Variants in AKR1C3 observed in about 807,000 individuals in gnomAD.
AKR1C3 encodes the protein 3-alpha hydroxysteroid dehydrogenase, type II.
A neutral mutation model predicts 43.6 loss-of-function variants in AKR1C3; 48 were observed. That is an observed-to-expected ratio of 1.10 (90% CI 0.87 to 1.40). AKR1C3 has a LOEUF of 1.40. Among genes scored for constraint, AKR1C3 ranks in the 40% most tolerant of loss-of-function variants. The pLI is 0.00. For synonymous variants in AKR1C3, 162 were observed against 139.6 expected (o/e 1.16, Z -1.13); for missense variants, 482 against 391.2 (o/e 1.23, Z -1.96).
intron 1 of AKR1C3, among the ~76,000 whole-genome samples, chr10:5,073,227 G>C (rs558848037): frequency 6.6e-6 from 1 of 152,202 alleles, no homozygotes; most frequent in Admixed American, 6.5e-5. Context: ...CTCCCAAATT[G>C]CTGGGATTAC....
At chr10:5,055,146 C>T (rs1838233832) in intron 1 of AKR1C3, among the ~76,000 whole-genome samples, 1 of 152,240 alleles carries the variant, frequency 6.6e-6, no homozygotes, top group African/African-American at 2.4e-5. Flanking sequence ...AAGAGGCTTA[C>T]TTTCAAATAT....
At chr10:5,072,129 T>G (rs1437008408) in intron 1 of AKR1C3, among the ~76,000 whole-genome samples, 3 of 152,194 alleles carry the variant, frequency 2.0e-5, no homozygotes, top group African/African-American at 7.2e-5. Flanking sequence ...GTGACACTTA[T>G]CTCTGGGTTC....
intron 1 of AKR1C3, among the ~76,000 whole-genome samples, chr10:5,063,766 A>AAAAAAAAAAAAAAAAAAAAAAAAAAAAC (rs1838432559): frequency 1.1e-5 from 1 of 88,324 alleles, no homozygotes; most frequent in Non-Finnish European, 2.2e-5. Flanking sequence ...CTGTCTCAGC[A>AAAAAAAAAAAAAAAAAAAAAAAAAAAAC]AAAAAAAAAA....
intron 1 of AKR1C3, among the ~76,000 whole-genome samples, chr10:5,086,419 G>A (rs1554783077): frequency 6.6e-6 from 1 of 151,566 alleles, no homozygotes; most frequent in Non-Finnish European, 1.5e-5. Flanking sequence ...GTTCTAGTTT[G>A]ATTGCACTGT....
In AKR1C3 at chr10:5,102,125, C is replaced by G. The variant is rs199934766; in HGVS notation, c.595C>G (p.Arg199Gly). 6 of 1,613,468 alleles carry G rather than the reference C, an allele frequency of 3.7e-6. 1 individual carries two copies. In the South Asian group the frequency reaches 5.5e-5, roughly 15 times the overall value. The change falls in exon 6 of 9, where the codon CGG becomes GGG. Residue 199 changes from arginine (R) to glycine (G), a missense_variant. Coordinates refer to ENST00000380554, the MANE Select transcript of AKR1C3 (RefSeq NM_003739.6). ...NQVECHPYFN[R>G]SKLLDFCKSK... ...GGTAGAATGTCATCCGTATTTCAAC[C>G]GGAGTAAATTGCTAGATTTCTGCAA...
intron 7 of AKR1C3, among the ~76,000 whole-genome samples, chr10:5,103,910 A>G (rs1554786570): frequency 6.6e-6 from 1 of 152,158 alleles, no homozygotes; most frequent in African/African-American, 2.4e-5. Context: ...ATGGATTAAT[A>G]TATGATAGGT....
chr10:5,077,839 A>G (rs1291852848), intron 1 of AKR1C3: 1 of 539,214 alleles, frequency 1.9e-6, no homozygotes, highest in Non-Finnish European at 3.1e-6. Context: ...AATAACATAT[A>G]AAAACTGTTC....
rs553642515 is a variant in AKR1C3 at position 5,050,841 on chromosome 10, G to A, written c.84+1946G>A. The stretch of plus-strand genomic sequence containing the variant: ...TACATTTCTGAAAATTACCAAATAT[G>A]TTTCATAAGGTAGGCAGGCACTAGG... On this transcript the variant is annotated intron_variant, in intron 1 of 8. Coordinates refer to the AKR1C3 transcript ENST00000439082. Among the ~76,000 whole-genome samples the A allele has an allele frequency of 2.0e-3, 301 of 152,236 alleles. 2 individuals carry two copies. The highest frequency in any genetic ancestry group is 6.4e-3 in the African/African-American group (264 of 41,528).
At chr10:5,069,874 C>CAA (rs532638950) in intron 1 of AKR1C3, among the ~76,000 whole-genome samples, 5 of 143,040 alleles carry the variant, frequency 3.5e-5, no homozygotes, top group African/African-American at 7.7e-5. Context: ...AACTCTGTCT[C>CAA]AAAAAAAAAA....
Position 5,097,475 on chromosome 10 carries a change from C to G in AKR1C3, c.294C>G (p.Ala98=). ...ATCGACCAGAGTTGGTCCGACCAGC[C>G]TTGGAAAACTCACTGAAGAAAGCTC... ...TFHRPELVRP[A]LENSLKKAQL... The change falls in exon 3 of 9, where the codon GCC becomes GCG. Residue 98 remains alanine, a synonymous_variant. Transcript: ENST00000380554. The G allele has an allele frequency of 6.2e-7, 1 of 1,613,864 alleles. No homozygotes were observed. The highest frequency in any genetic ancestry group is 8.5e-7 in the Non-Finnish European group (1 of 1,179,822).
chr10:5,104,906 TTACCTAGAC>T (rs782455188), intron 7 of AKR1C3, among the ~76,000 whole-genome samples: 1 of 152,174 alleles, frequency 6.6e-6, no homozygotes, highest in African/African-American at 2.4e-5. Context: ...TGAACACCTT[TTACCTAGAC>T]TAATTGTTAA....
chr10:5,096,567 A>G lies in AKR1C3; in HGVS notation c.242A>G (p.Tyr81Cys). 1 of 1,613,526 alleles carries G rather than the reference A, an allele frequency of 6.2e-7. No homozygotes were observed. The highest frequency in any genetic ancestry group is 8.5e-7 in the Non-Finnish European group (1 of 1,179,594). The change falls in exon 2 of 9, where the codon TAC becomes TGC. Residue 81 changes from tyrosine (Y) to cysteine (C), a missense_variant. Physicochemically the swap from Tyr to Cys is radical, Grantham distance 194. Coordinates refer to ENST00000380554, the MANE Select transcript of AKR1C3 (RefSeq NM_003739.6). ...DGSVKREDIFYTSKLWSTFHR... is the reference protein window; with the variant it reads ...DGSVKREDIFCTSKLWSTFHR... ...AGTGTGAAGAGAGAAGACATATTCT[A>G]CACTTCAAAGGTACTGTGTCTATGA...
In AKR1C3 at chr10:5,094,489, C is replaced by T. The variant is rs1280270013; in HGVS notation, c.45C>T (p.Phe15=). ...GTGTAAAGCTAAATGATGGCCACTTCATGCCTGTATTGGGATTTGGCACCT... is the reference window on the plus strand; with the variant it reads ...GTGTAAAGCTAAATGATGGCCACTTTATGCCTGTATTGGGATTTGGCACCT... ...HQCVKLNDGH[F]MPVLGFGTYA... Residue 15 remains phenylalanine (F), a synonymous_variant, in exon 1 of 9, where the codon TTC becomes TTT. Transcript: ENST00000380554. 6.2e-7 allele frequency: 1 copy of T among 1,612,764 alleles called. No homozygotes were observed. Among genetic ancestry groups the T allele is most frequent in the East Asian group, 2.2e-5 (1 of 44,872 alleles).
upstream of AKR1C3, among the ~76,000 whole-genome samples, chr10:5,090,181 C>G (rs531149411): frequency 5.3e-5 from 8 of 152,256 alleles, no homozygotes; most frequent in Non-Finnish European, 1.0e-4. Context: ...GTGCCCTGAG[C>G]TTCCTATTCA....
intron 1 of AKR1C3, among the ~76,000 whole-genome samples, chr10:5,053,341 C>G (rs1838192007): frequency 6.6e-6 from 1 of 152,220 alleles, no homozygotes; most frequent in South Asian, 2.1e-4. Context: ...AGCTGCTGGC[C>G]CAGGTGCTAA....
At chr10:5,062,881 C>CA (rs1173867046) in intron 1 of AKR1C3, among the ~76,000 whole-genome samples, 38 of 139,918 alleles carry the variant, frequency 2.7e-4, no homozygotes, top group Middle Eastern at 3.8e-3. Context: ...GGAAAGAAAA[C>CA]AAAAAAACTT....
chr10:5,063,841 A>G (rs573297549), intron 1 of AKR1C3, among the ~76,000 whole-genome samples: 1 of 149,920 alleles, frequency 6.7e-6, no homozygotes, highest in East Asian at 2.0e-4. Flanking sequence ...GTCATGTGTC[A>G]TGTAATGCCT....
chr10:5,102,149 A>G lies in AKR1C3; in HGVS notation c.619A>G (p.Lys207Glu). The G allele has an allele frequency of 6.2e-7, 1 of 1,614,144 alleles. No individual in the cohort carries two copies. Among genetic ancestry groups the G allele is most frequent in the Non-Finnish European group, 8.5e-7 (1 of 1,179,996 alleles). ...CCGGAGTAAATTGCTAGATTTCTGCAAGTCGAAAGATATTGTTCTGGTTGC... is the reference window on the plus strand; with the variant it reads ...CCGGAGTAAATTGCTAGATTTCTGCGAGTCGAAAGATATTGTTCTGGTTGC... ...FNRSKLLDFC[K>E]SKDIVLVAYS... Residue 207 changes from lysine to glutamate, a missense_variant, in exon 6 of 9, where the codon AAG becomes GAG. Physicochemically the swap from Lys to Glu is moderately conservative, Grantham distance 56 (BLOSUM62 1). Coordinates refer to ENST00000380554, the MANE Select transcript of AKR1C3 (RefSeq NM_003739.6).
At chr10:5,070,927 G>A (rs1315038471) in intron 1 of AKR1C3, among the ~76,000 whole-genome samples, 1 of 152,192 alleles carries the variant, frequency 6.6e-6, no homozygotes, top group Non-Finnish European at 1.5e-5. Flanking sequence ...GTTAGAAGGA[G>A]GCTTAGACTT....
Sources: gnomAD v4.1 joint callset for allele counts (sites outside exome capture counted in the v4.1 genomes callset) on GRCh38, gnomAD v4.1.1 for gene constraint, MANE v1.5 for transcripts, NCBI Gene and HGNC (gene_info 2026-07-23, HGNC 2026-07-21) for gene names.